SLC9A7: variants seen among roughly 807,000 people sequenced by gnomAD.
The protein encoded by SLC9A7 is sodium/hydrogen exchanger 7.
Under a neutral mutation model 52.6 loss-of-function variants are expected in SLC9A7, and 19 were observed. The ratio of observed to expected loss-of-function variants is 0.36; its 90% confidence interval spans 0.25 to 0.53. SLC9A7 has a LOEUF of 0.53. Ranked by LOEUF, SLC9A7 falls within the 20% of genes least tolerant of loss-of-function variation. The pLI is 0.91. For synonymous variants in SLC9A7, 226 were observed against 252.1 expected, an observed-to-expected ratio of 0.90 and a Z score of 0.98; for missense variants, 455 against 597.9, an observed-to-expected ratio of 0.76 and a Z score of 2.49.
At chrX:46,658,680 T>C (rs1273101123) in intron 7 of SLC9A7, among the ~76,000 whole-genome samples, 1 of 111,045 alleles carries the variant, frequency 9.0e-6, no homozygotes, top group African/African-American at 3.3e-5. Context: ...CAGGAAGAAG[T>C]TGAATCTCTG....
chrX:46,628,394 T>C (rs1943170271), intron 14 of SLC9A7, among the ~76,000 whole-genome samples: 2 of 112,463 alleles, frequency 1.8e-5, no homozygotes, highest in South Asian at 3.7e-4. Flanking sequence ...GTTTTGTTTT[T>C]TGTTTTTTGT....
Position 46,702,604 on chromosome X carries a change from G to T in SLC9A7, c.326-20069C>A, listed in dbSNP as rs187706170. Among the ~76,000 whole-genome samples the T allele has an allele frequency of 9.3e-3, 1,037 of 111,930 alleles. 9 individuals carry two copies. The highest frequency in any genetic ancestry group is 0.016 in the Non-Finnish European group (828 of 53,168). ...CCAGCTACTTCCATGTTGGTGCAAAGAACGTAATCTTGTTCTTTTTTATGG... is the reference window on the plus strand; with the variant it reads ...CCAGCTACTTCCATGTTGGTGCAAATAACGTAATCTTGTTCTTTTTTATGG... On this transcript the variant is annotated intron_variant, in intron 1 of 16. Coordinates refer to ENST00000616978, the MANE Select transcript of SLC9A7 (RefSeq NM_001257291.2).
intron 1 of SLC9A7, among the ~76,000 whole-genome samples, chrX:46,720,103 G>C (rs1421524537): frequency 1.8e-5 from 2 of 111,519 alleles, no homozygotes; most frequent in Non-Finnish European, 3.8e-5. Context: ...AAGATCTATA[G>C]GCTACATCTT....
intron 15 of SLC9A7, 30 bp downstream of exon 15, chrX:46,620,947 C>T (rs771619185): frequency 1.9e-5 from 20 of 1,055,190 alleles, no homozygotes; most frequent in Middle Eastern, 2.5e-4. Flanking sequence ...AATGTTTCAC[C>T]GACACAGGGG....
At chrX:46,743,254 G>A (rs1921500625) in intron 1 of SLC9A7, among the ~76,000 whole-genome samples, 1 of 111,957 alleles carries the variant, frequency 8.9e-6, no homozygotes, top group South Asian at 3.8e-4. Flanking sequence ...AATAGGTCCT[G>A]GGAACTTGGC....
chrX:46,720,172 G>C (rs893350024), intron 1 of SLC9A7, among the ~76,000 whole-genome samples: 3 of 111,617 alleles, frequency 2.7e-5, no homozygotes, highest in Non-Finnish European at 5.6e-5. Context: ...ATCTTGACCT[G>C]CATATTCTTG....
intron 13 of SLC9A7, among the ~76,000 whole-genome samples, chrX:46,635,119 AT>A (rs1943297725): frequency 8.9e-6 from 1 of 112,244 alleles, no homozygotes. Flanking sequence ...ACAAATATGT[AT>A]TTTGAAAAAC....
At chrX:46,608,082 C>T (rs1004261943) in intron 16 of SLC9A7, among the ~76,000 whole-genome samples, 3 of 112,467 alleles carry the variant, frequency 2.7e-5, no homozygotes, top group Admixed American at 9.3e-5. Flanking sequence ...TCCAGGGCGC[C>T]GAACTGGCCT....
chrX:46,683,502 G>A (rs982280933), intron 1 of SLC9A7, among the ~76,000 whole-genome samples: 5 of 111,587 alleles, frequency 4.5e-5, no homozygotes, highest in Non-Finnish European at 9.4e-5. Flanking sequence ...TCTTGGGGCT[G>A]TAGCTATGAG....
chrX:46,644,589 A>G (rs6611283), intron 11 of SLC9A7, among the ~76,000 whole-genome samples: 14,942 of 106,999 alleles, frequency 0.14, 1,032 homozygotes, highest in East Asian at 0.33. Flanking sequence ...GTGAGCCAAG[A>G]TGGTGCCACT....
At chrX:46,744,652 G>A (rs1331466591) in intron 1 of SLC9A7, among the ~76,000 whole-genome samples, 2 of 111,763 alleles carry the variant, frequency 1.8e-5, no homozygotes, top group South Asian at 7.5e-4. Context: ...ACTACCTCTG[G>A]GACATTTACT....
chrX:46,619,723 AT>A (rs1425733227), intron 15 of SLC9A7, among the ~76,000 whole-genome samples: 2 of 86,405 alleles, frequency 2.3e-5, no homozygotes, highest in East Asian at 3.9e-4. Flanking sequence ...GGGTTTGGCA[AT>A]TTTCTTTCTT....
chrX:46,725,424 C>T (rs879025372), intron 1 of SLC9A7: 6 of 1,151,065 alleles, frequency 5.2e-6, no homozygotes, highest in East Asian at 3.0e-5. Flanking sequence ...TAGCTGGTCT[C>T]GTAAATCCTC....
At chrX:46,718,656 C>T (rs1365718923) in intron 1 of SLC9A7, among the ~76,000 whole-genome samples, 4 of 112,277 alleles carry the variant, frequency 3.6e-5, no homozygotes, top group Non-Finnish European at 7.5e-5. Context: ...AGACACTTCT[C>T]AAAAGAAGAC....
At chrX:46,653,541 T>G (rs1943617964) in intron 8 of SLC9A7, 68 bp downstream of exon 8, 1 of 729,114 alleles carries the variant, frequency 1.4e-6, no homozygotes, top group East Asian at 3.2e-5. Flanking sequence ...AATTCTTCCC[T>G]TCCTTCAAGT....
chrX:46,633,285 A>G (rs183206358), intron 13 of SLC9A7, among the ~76,000 whole-genome samples: 104 of 93,026 alleles, frequency 1.1e-3, no homozygotes, highest in African/African-American at 3.9e-3. Flanking sequence ...AGTGCAGAAC[A>G]GGAGATTTCT....
chrX:46,646,813 C>T (rs961384588), intron 11 of SLC9A7: 13 of 334,729 alleles, frequency 3.9e-5, no homozygotes, highest in African/African-American at 3.2e-4. Flanking sequence ...GTACCCATTT[C>T]CCCTCCTTAA....
chrX:46,681,749 T>C (rs1435762301), intron 2 of SLC9A7, among the ~76,000 whole-genome samples: 2 of 112,112 alleles, frequency 1.8e-5, no homozygotes, highest in Admixed American at 1.9e-4. Flanking sequence ...ATAATGCTTT[T>C]TCATGTGGAC....
chrX:46,717,303 T>C (rs1391759801), intron 1 of SLC9A7, among the ~76,000 whole-genome samples: 1 of 112,293 alleles, frequency 8.9e-6, no homozygotes, highest in African/African-American at 3.2e-5. Flanking sequence ...ATAAAGTGTT[T>C]TGAAGTTTTT....
Sources: allele counts gnomAD v4.1 joint callset (sites outside exome capture counted in the v4.1 genomes callset), GRCh38; gene constraint gnomAD v4.1.1; transcripts MANE v1.5; gene names NCBI Gene and HGNC (gene_info 2026-07-23, HGNC 2026-07-21).